Variants in ZNF784 observed in about 807,000 individuals in gnomAD.
ZNF784 encodes the protein zinc finger protein 784.
In ZNF784, 5 loss-of-function variants were observed where a neutral mutation model predicts 3.3. That is an observed-to-expected ratio of 1.53 (90% CI 0.80 to 3.22). The LOEUF (loss-of-function observed/expected upper bound fraction) is 3.22. ZNF784 is among the 30% of genes most tolerant of loss of function. The pLI, the probability that ZNF784 is intolerant of heterozygous loss-of-function variation, is 0.00. For synonymous variants in ZNF784, 231 were observed against 219.6 expected (o/e 1.05, Z -0.46); for missense variants, 501 against 480.7 (o/e 1.04, Z -0.39).
chr19:55,622,404 C>G lies in ZNF784; in HGVS notation c.319G>C (p.Gly107Arg), dbSNP rs945386445. The change falls in exon 2 of 2, where the codon GGC (glycine) becomes CGC (arginine). Residue 107 changes from glycine (G) to arginine (R), a missense_variant. Gly to Arg is a moderately radical substitution (Grantham distance 125). Coordinates refer to ENST00000325351, the MANE Select transcript of ZNF784 (RefSeq NM_203374.2). The surrounding 1 kb of genome is among the most constrained non-coding windows in gnomAD (Gnocchi z 5.9). ...CTGGCGGGGCCCGGGCAGCTGTGGC[C>G]GCACACGTGGCACCGGCTCGGGTCC... ...GGDPSRCHVC[G>R]HSCPGPASLR... 1.3e-6 allele frequency: 2 copies of G among 1,570,248 alleles called. No individual in the cohort carries two copies. The highest frequency in any genetic ancestry group is 2.7e-5 in the African/African-American group (2 of 73,734).
rs770706859 is a variant in ZNF784 at position 55,624,421 on chromosome 19, C to T, written c.78+63G>A. The T allele has an allele frequency of 1.6e-5, 24 of 1,477,378 alleles. No individual in the cohort carries two copies. The African/African-American group carries it at 3.0e-4, about 18-fold the overall frequency. 91.5% of individuals were successfully genotyped at this position (1,477,378 alleles called of 1,614,324 possible). A position where few individuals can be genotyped will look rare whatever the true frequency, so the allele number is the denominator to read the frequency against. On this transcript the variant is annotated intron_variant, in intron 1 of 1. Coordinates refer to ENST00000325351, the MANE Select transcript of ZNF784 (RefSeq NM_203374.2). ...CCTCATAGGCCACGCCCCGGACCCG[C>T]CCCCCACACTACGACCTCCTCCCAC...
Position 55,622,391 on chromosome 19 carries a change from G to T in ZNF784, c.332C>A (p.Pro111Gln). 1.3e-6 allele frequency: 2 copies of T among 1,554,602 alleles called. No homozygotes were observed. The highest frequency in any genetic ancestry group is 2.3e-5 in the East Asian group (1 of 42,918). The change falls in exon 2 of 2, where the codon CCG (proline) becomes CAG (glutamine). Residue 111 changes from proline (P) to glutamine (Q), a missense_variant. Transcript: ENST00000325351. The surrounding 1 kb of genome is among the most constrained non-coding windows in gnomAD (Gnocchi z 5.9). Reference sequence around the variant, plus strand: ...GTGCGCGCGCAGGCTGGCGGGGCCCGGGCAGCTGTGGCCGCACACGTGGCA... The same window carrying T: ...GTGCGCGCGCAGGCTGGCGGGGCCCTGGCAGCTGTGGCCGCACACGTGGCA... ...SRCHVCGHSC[P>Q]GPASLRAHYS... is the part of the protein sequence containing the mutation.
In ZNF784 at chr19:55,621,821, C is replaced by T; in HGVS notation, c.902G>A (p.Cys301Tyr). The T allele has an allele frequency of 1.9e-6, 3 of 1,590,834 alleles. No individual in the cohort carries two copies. Among genetic ancestry groups the T allele is most frequent in the Non-Finnish European group, 2.5e-6 (3 of 1,176,922 alleles). ...SSAAEGSGSG[C>Y]GVGDPAEEGR... is the part of the protein sequence containing the mutation. ...CTCCTCCGCAGGGTCCCCTACCCCA[C>T]ACCCGCTCCCCGACCCCTCAGCCGC... Residue 301 changes from cysteine (C) to tyrosine (Y), a missense_variant, in exon 2 of 2, where the codon TGT becomes TAT. Cys to Tyr is a radical substitution (Grantham distance 194, BLOSUM62 -2). Coordinates refer to ENST00000325351, the MANE Select transcript of ZNF784 (RefSeq NM_203374.2). The surrounding 1 kb of genome is among the most constrained non-coding windows in gnomAD (Gnocchi z 4.1).
Position 55,622,043 on chromosome 19 carries a change from C to G in ZNF784, c.680G>C (p.Gly227Ala). Residue 227 changes from glycine to alanine, a missense_variant, in exon 2 of 2, where the codon GGC (glycine) becomes GCC (alanine). By Grantham distance (60) the Gly-to-Ala change is moderately conservative. Coordinates refer to ENST00000325351, the MANE Select transcript of ZNF784 (RefSeq NM_203374.2). The surrounding 1 kb of genome is among the most constrained non-coding windows in gnomAD (Gnocchi z 5.9). ...VHTGERPYHC[G>A]ICGKGFTQSS... ...CTGGGTGAAGCCCTTGCCGCAGATGCCGCAATGGTATGGCCGCTCGCCAGT... is the reference window on the plus strand; with the variant it reads ...CTGGGTGAAGCCCTTGCCGCAGATGGCGCAATGGTATGGCCGCTCGCCAGT... 1 of 1,591,722 alleles carries G rather than the reference C, an allele frequency of 6.3e-7. No homozygotes were observed. Among genetic ancestry groups the G allele is most frequent in the Non-Finnish European group, 8.5e-7 (1 of 1,176,866 alleles).
In ZNF784 at chr19:55,624,521, G is replaced by C; in HGVS notation, c.41C>G (p.Pro14Arg). 1.9e-6 allele frequency: 3 copies of C among 1,603,316 alleles called. No individual in the cohort carries two copies. Among genetic ancestry groups the C allele is most frequent in the South Asian group, 1.1e-5 (1 of 89,420 alleles). The change falls in exon 1 of 2, where the codon CCG becomes CGG. Residue 14 changes from proline to arginine, a missense_variant. Physicochemically the swap from Pro to Arg is moderately radical, Grantham distance 103 (BLOSUM62 -2). Coordinates refer to ENST00000325351, the MANE Select transcript of ZNF784 (RefSeq NM_203374.2). The stretch of plus-strand genomic sequence containing the variant: ...CTCCTGGGATCGCGACTCCGGAGTC[G>C]GTGAGCTCCGACTCTGGGCCTCTGG... ...ARPEAQSRSS[P>R]TPESRSQEPL... is the part of the protein sequence containing the mutation.
In ZNF784 at chr19:55,622,933, T is replaced by A. The variant is rs2123602021; in HGVS notation, c.79-289A>T. Among the ~76,000 whole-genome samples the A allele has an allele frequency of 6.6e-6, 1 of 152,164 alleles. No individual in the cohort carries two copies. Among genetic ancestry groups the A allele is most frequent in the South Asian group, 2.1e-4 (1 of 4,814 alleles). On this transcript the variant is annotated intron_variant, in intron 1 of 1. Coordinates refer to ENST00000325351, the MANE Select transcript of ZNF784 (RefSeq NM_203374.2). The surrounding 1 kb of genome is among the most constrained non-coding windows in gnomAD (Gnocchi z 5.9). ...GGCTCAGGCCTGTAATACCAGCACA[T>A]TGGGAGGCTGAGGTAGGCAGATCAC...
intron 1 of ZNF784, among the ~76,000 whole-genome samples, chr19:55,623,967 A>C (rs1363604355): frequency 6.6e-6 from 1 of 152,040 alleles, no homozygotes; most frequent in Non-Finnish European, 1.5e-5. Flanking sequence ...TTCCAAAGTC[A>C]CCTAGACCAC....
At position 55,622,085 on chromosome 19, in the gene ZNF784, T is replaced by C. The variant is rs1314529793; in HGVS notation, c.638A>G (p.Asp213Gly). 1 of 1,578,462 alleles carries C rather than the reference T, an allele frequency of 6.3e-7. No homozygotes were observed. The highest frequency in any genetic ancestry group is 8.5e-7 in the Non-Finnish European group (1 of 1,170,412). ...CTCGCCAGTGTGCACGCGCTCGTGG[T>C]CTCGCATGTCTGAGGAGCGGCGGAA... Reference protein sequence around the residue: ...KPFRRSSDMRDHERVHTGERP... With the variant: ...KPFRRSSDMRGHERVHTGERP... The change falls in exon 2 of 2, where the codon GAC becomes GGC. Residue 213 changes from aspartate (D) to glycine (G), a missense_variant. Physicochemically the swap from Asp to Gly is moderately conservative, Grantham distance 94 (BLOSUM62 -1). Transcript: ENST00000325351. The surrounding 1 kb of genome is among the most constrained non-coding windows in gnomAD (Gnocchi z 5.9).
In ZNF784 at chr19:55,622,497, G is replaced by T. The variant is rs1440038285; in HGVS notation, c.226C>A (p.Leu76Met). The T allele has an allele frequency of 1.2e-6, 2 of 1,612,858 alleles. No homozygotes were observed. The highest frequency in any genetic ancestry group is 3.3e-5 in the Admixed American group (2 of 59,970). The change falls in exon 2 of 2, where the codon CTG (leucine) becomes ATG (methionine). Residue 76 changes from leucine (L) to methionine (M), a missense_variant. Leu to Met is a conservative substitution (Grantham distance 15). Transcript: ENST00000325351. This position sits in a 1 kb window ranked among gnomAD's most constrained non-coding sequence, Gnocchi z 5.9. The part of the protein sequence containing the change: ...HCALCPAAFR[L>M]VSELLFHEHG... Reference sequence around the variant, plus strand: ...TCGTGGAACAGCAGCTCGGAAACCAGCCGGAAGGCAGCAGGGCACAAGGCA... The same window carrying T: ...TCGTGGAACAGCAGCTCGGAAACCATCCGGAAGGCAGCAGGGCACAAGGCA...
At position 55,621,330 on chromosome 19, in the gene ZNF784, A is replaced by C; in HGVS notation, c.*421T>G. On this transcript the variant is annotated 3_prime_UTR_variant, in exon 2 of 2. Coordinates refer to ENST00000325351, the MANE Select transcript of ZNF784 (RefSeq NM_203374.2). The surrounding 1 kb of genome is among the most constrained non-coding windows in gnomAD (Gnocchi z 4.1). ...TCCTGGTCCACCCGTGGAGGACCAG[A>C]GCAGAAGACTATGGTGGACCCCAAT... 3.6e-6 allele frequency: 1 copy of C among 274,748 alleles called. No individual in the cohort carries two copies. The allele number at this position is 274,748 out of a possible 1,614,324, so 17.0% of individuals were successfully genotyped here.
In ZNF784 at chr19:55,622,761, T is replaced by G; in HGVS notation, c.79-117A>C. On this transcript the variant is annotated intron_variant, in intron 1 of 1. Coordinates refer to ENST00000325351, the MANE Select transcript of ZNF784 (RefSeq NM_203374.2). The surrounding 1 kb of genome is among the most constrained non-coding windows in gnomAD (Gnocchi z 5.9). ...ATTTTCAGACAGGGCCTCACTCTGT[T>G]GCCCTGGCGCGATCGTGGCTCATTG... The G allele has an allele frequency of 2.1e-6, 2 of 965,534 alleles. No homozygotes were observed. The highest frequency in any genetic ancestry group is 2.8e-6 in the Non-Finnish European group (2 of 702,112). 59.8% of individuals were successfully genotyped at this position (965,534 alleles called of 1,614,324 possible).
intron 1 of ZNF784, among the ~76,000 whole-genome samples, chr19:55,623,659 T>G (rs992912675): frequency 6.6e-6 from 1 of 152,220 alleles, no homozygotes; most frequent in Non-Finnish European, 1.5e-5. Flanking sequence ...GACCCCAGCT[T>G]AAACATAAGC....
At position 55,622,624 on chromosome 19, in the gene ZNF784, G is replaced by A; in HGVS notation, c.99C>T (p.Cys33=). 1.9e-6 allele frequency: 3 copies of A among 1,562,198 alleles called. No homozygotes were observed. The highest frequency in any genetic ancestry group is 1.4e-5 in the African/African-American group (1 of 73,290). The change falls in exon 2 of 2, where the codon TGC becomes TGT. Residue 33 remains cysteine (C), a synonymous_variant. Coordinates refer to ENST00000325351, the MANE Select transcript of ZNF784 (RefSeq NM_203374.2). This position sits in a 1 kb window ranked among gnomAD's most constrained non-coding sequence, Gnocchi z 5.9. ...PLDLVLVPDD[C]RPGTPPSDLI... is the part of the protein sequence containing the mutation. ...GGTCACTCGGGGGTGTGCCAGGCCG[G>A]CAGTCATCAGGCACCAGGACCTGGG... is the stretch of plus-strand genomic sequence containing the variant.
At position 55,624,556 on chromosome 19, in the gene ZNF784, G is replaced by A. The variant is rs748169255; in HGVS notation, c.6C>T (p.Ala2=). Reference sequence around the variant, plus strand: ...GACTCTGGGCCTCTGGGCGCGCAGCGGCCATCTTGTGCCCAAGCCCCGCCC... The same window carrying A: ...GACTCTGGGCCTCTGGGCGCGCAGCAGCCATCTTGTGCCCAAGCCCCGCCC... M[A]AARPEAQSRS... Residue 2 remains alanine (A), a synonymous_variant, in exon 1 of 2, where the codon GCC becomes GCT. Transcript: ENST00000325351. 4.4e-6 allele frequency: 7 copies of A among 1,590,628 alleles called. No individual in the cohort carries two copies. The highest frequency in any genetic ancestry group is 4.1e-5 in the African/African-American group (3 of 73,942).
Position 55,621,371 on chromosome 19 carries a change from G to C in ZNF784, c.*380C>G, listed in dbSNP as rs567182427. On this transcript the variant is annotated 3_prime_UTR_variant, in exon 2 of 2. Coordinates refer to ENST00000325351, the MANE Select transcript of ZNF784 (RefSeq NM_203374.2). The surrounding 1 kb of genome is among the most constrained non-coding windows in gnomAD (Gnocchi z 4.1). ...GGACCCCAATTCCCCCCTTCCATTC[G>C]ATCCTGGCTCCTCCTCTGAAGTGCC... 9 of 323,822 alleles carry C rather than the reference G, an allele frequency of 2.8e-5. No homozygotes were observed. Among genetic ancestry groups the C allele is most frequent in the African/African-American group, 1.9e-4 (9 of 46,842 alleles). The allele number at this position is 323,822 out of a possible 1,614,324, so 20.1% of individuals were successfully genotyped here. A position where few individuals can be genotyped will look rare whatever the true frequency, so the allele number is the denominator to read the frequency against.
In ZNF784 at chr19:55,622,350, C is replaced by A; in HGVS notation, c.373G>T (p.Gly125Trp). 1 of 1,519,254 alleles carries A rather than the reference C, an allele frequency of 6.6e-7. No individual in the cohort carries two copies. Among genetic ancestry groups the A allele is most frequent in the Non-Finnish European group, 8.8e-7 (1 of 1,135,088 alleles). 94.1% of individuals were successfully genotyped at this position (1,519,254 alleles called of 1,614,324 possible). A position where few individuals can be genotyped will look rare whatever the true frequency, so the allele number is the denominator to read the frequency against. ...AGCGCGCAGCGGTAGGGCCGCTCCC[C>A]CGTGTGCAAGCTGTAGTGCGCGCGC... The part of the protein sequence containing the change: ...SLRAHYSLHT[G>W]ERPYRCALCP... The change falls in exon 2 of 2, where the codon GGG becomes TGG. Residue 125 changes from glycine (G) to tryptophan (W), a missense_variant. By Grantham distance (184) the Gly-to-Trp change is radical. Transcript: ENST00000325351. The surrounding 1 kb of genome is among the most constrained non-coding windows in gnomAD (Gnocchi z 5.9).
At chr19:55,624,144 C>T (rs1469339191) in intron 1 of ZNF784, among the ~76,000 whole-genome samples, 2 of 152,008 alleles carry the variant, frequency 1.3e-5, no homozygotes, top group East Asian at 1.9e-4. Flanking sequence ...TTTATGAGGC[C>T]CCGCCCCTTA....
chr19:55,622,685 C>G lies in ZNF784; in HGVS notation c.79-41G>C, dbSNP rs1600022213. The G allele has an allele frequency of 1.4e-6, 2 of 1,471,046 alleles. No homozygotes were observed. The highest frequency in any genetic ancestry group is 1.4e-5 in the South Asian group (1 of 71,082). The allele number at this position is 1,471,046 out of a possible 1,614,324, so 91.1% of individuals were successfully genotyped here. A position where few individuals can be genotyped will look rare whatever the true frequency, so the allele number is the denominator to read the frequency against. Reference sequence around the variant, plus strand: ...AGAAAGAGGAGCCTGTGGAACCTGCCTCAGGACCGCCCCAGCACGCCCCAA... The same window carrying G: ...AGAAAGAGGAGCCTGTGGAACCTGCGTCAGGACCGCCCCAGCACGCCCCAA... On this transcript the variant is annotated intron_variant, in intron 1 of 1. Transcript: ENST00000325351. This position sits in a 1 kb window ranked among gnomAD's most constrained non-coding sequence, Gnocchi z 5.9.
In ZNF784 at chr19:55,622,369, C is replaced by G. The variant is rs757584830; in HGVS notation, c.354G>C (p.Ala118=). 6.5e-7 allele frequency: 1 copy of G among 1,532,770 alleles called. No individual in the cohort carries two copies. Among genetic ancestry groups the G allele is most frequent in the Non-Finnish European group, 8.8e-7 (1 of 1,141,896 alleles). 94.9% of individuals were successfully genotyped at this position (1,532,770 alleles called of 1,614,324 possible). ...GCTCCCCCGTGTGCAAGCTGTAGTGCGCGCGCAGGCTGGCGGGGCCCGGGC... is the reference window on the plus strand; with the variant it reads ...GCTCCCCCGTGTGCAAGCTGTAGTGGGCGCGCAGGCTGGCGGGGCCCGGGC... ...HSCPGPASLR[A]HYSLHTGERP... is the part of the protein sequence containing the mutation. Residue 118 remains alanine (A), a synonymous_variant, in exon 2 of 2, where the codon GCG becomes GCC. Coordinates refer to ENST00000325351, the MANE Select transcript of ZNF784 (RefSeq NM_203374.2). The surrounding 1 kb of genome is among the most constrained non-coding windows in gnomAD (Gnocchi z 5.9).
Sources: allele counts gnomAD v4.1 joint callset (sites outside exome capture counted in the v4.1 genomes callset), GRCh38; gene constraint gnomAD v4.1.1; non-coding constraint Gnocchi (gnomAD v3.1); transcripts MANE v1.5; gene names NCBI Gene and HGNC (gene_info 2026-07-23, HGNC 2026-07-21).